HS2ST1: variants seen among roughly 807,000 people sequenced by gnomAD.
HS2ST1 encodes the protein 2-O-sulfotransferase.
HS2ST1 carries 18 observed loss-of-function variants against 42.9 expected under a neutral mutation model. The ratio of observed to expected loss-of-function variants is 0.42; its 90% CI spans 0.29 to 0.62. HS2ST1 has a LOEUF of 0.62. Ranked by LOEUF, HS2ST1 falls within the 20% of genes least tolerant of loss-of-function variation. The pLI, the probability that HS2ST1 is intolerant of heterozygous loss-of-function variation, is 0.21. For missense variants in HS2ST1, 334 were observed against 433.8 expected (o/e 0.77, Z 2.04); for synonymous variants, 146 against 152.9 (o/e 0.95, Z 0.33).
intron 1 of HS2ST1, among the ~76,000 whole-genome samples, chr1:86,971,262 A>T (rs992362230): frequency 6.6e-6 from 1 of 151,988 alleles, no homozygotes; most frequent in African/African-American, 2.4e-5. Flanking sequence ...GGCCTATAGA[A>T]CTCCTCTGAT....
At chr1:86,987,572 A>T (rs1648824968) in intron 1 of HS2ST1, among the ~76,000 whole-genome samples, 1 of 152,084 alleles carries the variant, frequency 6.6e-6, no homozygotes, top group South Asian at 2.1e-4. Context: ...GGTAGCTCCT[A>T]CCCCAGGTTC....
intron 1 of HS2ST1, among the ~76,000 whole-genome samples, chr1:86,984,352 T>A (rs1192641981): frequency 6.6e-6 from 1 of 152,218 alleles, no homozygotes; most frequent in Non-Finnish European, 1.5e-5. Context: ...ACCTGCCCAG[T>A]TTACAAGATA....
intron 1 of HS2ST1, among the ~76,000 whole-genome samples, chr1:87,043,425 A>G (rs1349308951): frequency 6.6e-6 from 1 of 152,150 alleles, no homozygotes; most frequent in Non-Finnish European, 1.5e-5. Flanking sequence ...TAATCAGTTT[A>G]AAGTACCTTA....
intron 1 of HS2ST1, among the ~76,000 whole-genome samples, chr1:87,058,905 A>G (rs1651046166): frequency 6.6e-6 from 1 of 151,628 alleles, no homozygotes. Flanking sequence ...TAAAAATACA[A>G]AAAATTAGCC....
intron 1 of HS2ST1, among the ~76,000 whole-genome samples, chr1:86,942,364 C>T (rs1660782509): frequency 6.6e-6 from 1 of 152,100 alleles, no homozygotes. Flanking sequence ...GAATAGAATT[C>T]ATTTAGATGT....
chr1:87,035,434 T>C (rs929597899), intron 1 of HS2ST1, among the ~76,000 whole-genome samples: 23 of 152,228 alleles, frequency 1.5e-4, no homozygotes, highest in African/African-American at 5.5e-4. Flanking sequence ...TCTAAGTTAC[T>C]TTTTTCTCTT....
intron 1 of HS2ST1, among the ~76,000 whole-genome samples, chr1:87,054,376 G>C (rs1650910202): frequency 6.6e-6 from 1 of 151,966 alleles, no homozygotes; most frequent in African/African-American, 2.4e-5. Flanking sequence ...CTTGTCCATA[G>C]AACAACTATC....
At chr1:86,939,621 G>GA (rs1278003997) in intron 1 of HS2ST1, among the ~76,000 whole-genome samples, 1 of 152,150 alleles carries the variant, frequency 6.6e-6, no homozygotes. Flanking sequence ...CCCACCCTTG[G>GA]AAGATTGATT....
chr1:87,005,701 C>G (rs1649420044), intron 1 of HS2ST1, among the ~76,000 whole-genome samples: 1 of 152,174 alleles, frequency 6.6e-6, no homozygotes, highest in Non-Finnish European at 1.5e-5. Flanking sequence ...ACTAGGTGAA[C>G]TGAGATGCTC....
intron 4 of HS2ST1, among the ~76,000 whole-genome samples, chr1:87,096,340 G>T (rs1384752433): frequency 6.6e-6 from 1 of 151,924 alleles, no homozygotes; most frequent in Admixed American, 6.6e-5. Flanking sequence ...ATCATACATT[G>T]GTCATTTGGA....
chr1:87,069,921 C>T (rs1311360574), intron 1 of HS2ST1, among the ~76,000 whole-genome samples: 1 of 152,164 alleles, frequency 6.6e-6, no homozygotes, highest in African/African-American at 2.4e-5. Context: ...AATTTTAAAA[C>T]AATTTTGCAG....
chr1:87,082,041 T>C (rs1398703028), intron 2 of HS2ST1, among the ~76,000 whole-genome samples: 1 of 151,308 alleles, frequency 6.6e-6, no homozygotes, highest in Non-Finnish European at 1.5e-5. Flanking sequence ...ATCAAGAAAC[T>C]TTTAGCCCAG....
At chr1:86,998,294 A>G (rs1649165591) in intron 1 of HS2ST1, among the ~76,000 whole-genome samples, 1 of 152,364 alleles carries the variant, frequency 6.6e-6, no homozygotes, top group South Asian at 2.1e-4. Flanking sequence ...CAACATCCAC[A>G]GGAACATACA....
chr1:87,070,423 T>G (rs1651373037), intron 1 of HS2ST1, among the ~76,000 whole-genome samples: 1 of 151,994 alleles, frequency 6.6e-6, no homozygotes, highest in African/African-American at 2.4e-5. Flanking sequence ...AAACGCCGTC[T>G]CTACAAAAAA....
chr1:87,043,005 C>T (rs1650559246), intron 1 of HS2ST1, among the ~76,000 whole-genome samples: 1 of 152,050 alleles, frequency 6.6e-6, no homozygotes, highest in South Asian at 2.1e-4. Flanking sequence ...AGGAGCCATG[C>T]TATTATTCTT....
At chr1:87,077,646 T>C in intron 2 of HS2ST1, among the ~76,000 whole-genome samples, 1 of 152,226 alleles carries the variant, frequency 6.6e-6, no homozygotes, top group East Asian at 1.9e-4. Context: ...ATAAGATCTT[T>C]AAGGATAGGA....
At chr1:87,092,231 A>G (rs1553143702) in intron 3 of HS2ST1, among the ~76,000 whole-genome samples, 2 of 152,072 alleles carry the variant, frequency 1.3e-5, no homozygotes, top group Admixed American at 6.6e-5. Flanking sequence ...ATGAAGGCAT[A>G]GAAATAAAAT....
intron 5 of HS2ST1, among the ~76,000 whole-genome samples, chr1:87,099,697 A>T (rs111267753): frequency 0.013 from 2,020 of 152,314 alleles, 32 homozygotes; most frequent in Non-Finnish European, 0.017. Flanking sequence ...TTCCAGCATT[A>T]ACTCAAAAGT....
intron 1 of HS2ST1, among the ~76,000 whole-genome samples, chr1:87,030,437 A>G (rs907730387): frequency 1.3e-5 from 2 of 152,060 alleles, no homozygotes; most frequent in African/African-American, 4.8e-5. Flanking sequence ...GTTCAAGGTT[A>G]CAGTGAGATA....
Sources: allele counts gnomAD v4.1 joint callset (sites outside exome capture counted in the v4.1 genomes callset), GRCh38; gene constraint gnomAD v4.1.1; transcripts MANE v1.5; gene names NCBI Gene and HGNC (gene_info 2026-07-23, HGNC 2026-07-21).